MYO10: variants seen among roughly 807,000 people sequenced by gnomAD.
The protein encoded by MYO10 is myosin X, also known as unconventional myosin-X.
Under a neutral mutation model 257.3 loss-of-function variants are expected in MYO10, and 133 were observed. The observed-to-expected ratio is 0.52, with a 90% CI of 0.45 to 0.60. The LOEUF (loss-of-function observed/expected upper bound fraction) is 0.60, where lower values mean the gene tolerates loss of function less well. MYO10 is among the 20% of genes least tolerant of loss of function. The probability of loss-of-function intolerance (pLI) is 0.00; values close to 1 mark genes in which losing one functional copy is unlikely to be tolerated. For synonymous variants in MYO10, 1,104 were observed against 1,028.6 expected, an observed-to-expected ratio of 1.07 and a Z score of -1.40; for missense variants, 2,399 against 2,635.7, an observed-to-expected ratio of 0.91 and a Z score of 1.97.
At chr5:16,825,340 A>G (rs1742971260) in intron 2 of MYO10, among the ~76,000 whole-genome samples, 1 of 152,082 alleles carries the variant, frequency 6.6e-6, no homozygotes, top group African/African-American at 2.4e-5. Context: ...CTTATCCATT[A>G]TCTTGTTTAA....
chr5:16,807,828 T>A (rs1445176666), intron 3 of MYO10, among the ~76,000 whole-genome samples: 2 of 152,188 alleles, frequency 1.3e-5, no homozygotes, highest in Admixed American at 1.3e-4. Context: ...CTCCTCATTG[T>A]GACGCTCCTT....
chr5:16,788,224 A>C (rs1248264021), intron 4 of MYO10, among the ~76,000 whole-genome samples: 1 of 152,008 alleles, frequency 6.6e-6, no homozygotes, highest in Non-Finnish European at 1.5e-5. Context: ...GAAAGACTGG[A>C]GGGAAAGGGA....
chr5:16,876,577 A>C (rs1474884742), intron 2 of MYO10, among the ~76,000 whole-genome samples: 1 of 152,040 alleles, frequency 6.6e-6, no homozygotes, highest in Non-Finnish European at 1.5e-5. Flanking sequence ...TTTTCTGAGA[A>C]GGAGTCTTGC....
intron 2 of MYO10, among the ~76,000 whole-genome samples, chr5:16,828,131 G>A (rs1007414166): frequency 5.3e-5 from 8 of 152,030 alleles, no homozygotes; most frequent in Admixed American, 2.0e-4. Context: ...GTATCTCCGC[G>A]GCAGAGATGC....
At chr5:16,932,739 C>G (rs537696902) in intron 1 of MYO10, among the ~76,000 whole-genome samples, 5 of 152,052 alleles carry the variant, frequency 3.3e-5, no homozygotes, top group Admixed American at 6.6e-5. Context: ...TTCCCCCTGG[C>G]GCGCAGTAAG....
chr5:16,898,849 T>C (rs1017387170), intron 1 of MYO10, among the ~76,000 whole-genome samples: 29 of 151,718 alleles, frequency 1.9e-4, no homozygotes, highest in African/African-American at 4.1e-4. Context: ...AATCTAGAGA[T>C]GTAATTCAGT....
At chr5:16,915,996 C>T (rs1580147147) in intron 1 of MYO10, 1 of 452,742 alleles carries the variant, frequency 2.2e-6, no homozygotes, top group Non-Finnish European at 4.4e-6. Context: ...CCATACATTT[C>T]TTATCCTGAA....
intron 1 of MYO10, among the ~76,000 whole-genome samples, chr5:16,895,641 G>A (rs1745194325): frequency 6.6e-6 from 1 of 151,734 alleles, no homozygotes; most frequent in East Asian, 1.9e-4. Context: ...ACACCCAAAG[G>A]AATTTCCTAG....
chr5:16,719,989 CGT>C (rs10526050), intron 19 of MYO10, among the ~76,000 whole-genome samples: 13,962 of 143,426 alleles, frequency 0.097, 770 homozygotes, highest in Admixed American at 0.13. Flanking sequence ...TGTGTGCGTG[CGT>C]GTGTGTGTGT....
intron 1 of MYO10, among the ~76,000 whole-genome samples, chr5:16,915,381 C>T (rs1187665473): frequency 4.6e-5 from 7 of 152,166 alleles, no homozygotes; most frequent in Admixed American, 4.6e-4. Context: ...ATAAGTTCCT[C>T]ACAGATGTCC....
At chr5:16,797,210 G>GC (rs1378257911) in intron 3 of MYO10, among the ~76,000 whole-genome samples, 6 of 152,118 alleles carry the variant, frequency 3.9e-5, no homozygotes, top group Non-Finnish European at 8.8e-5. Flanking sequence ...AGCTTTTTGA[G>GC]CACCAACATG....
At chr5:16,758,274 T>C (rs1740594354) in intron 17 of MYO10, 48 bp from the exon 18 acceptor site, 1 of 1,276,364 alleles carries the variant, frequency 7.8e-7, no homozygotes, top group Admixed American at 1.7e-5. Flanking sequence ...ACACCCATTA[T>C]TAGGTGCAAG....
chr5:16,662,073 T>C lies in MYO10; in HGVS notation c.*4619A>G, dbSNP rs1044096197. 1.4e-4 allele frequency: 21 copies of C among 152,350 alleles called. No individual in the cohort carries two copies. Among genetic ancestry groups the C allele is most frequent in the African/African-American group, 4.8e-4 (20 of 41,588 alleles). 9.4% of individuals were successfully genotyped at this position (152,350 alleles called of 1,614,324 possible). On this transcript the variant is annotated 3_prime_UTR_variant, in exon 41 of 41. Transcript: ENST00000513610. ...TCCAGCAATCGTGATGCTTCTCTGA[T>C]CAACTGAATGAAACAGTTATAAATG... is the stretch of plus-strand genomic sequence containing the variant.
chr5:16,834,577 C>T (rs1743256970), intron 2 of MYO10, among the ~76,000 whole-genome samples: 1 of 152,168 alleles, frequency 6.6e-6, no homozygotes, highest in African/African-American at 2.4e-5. Flanking sequence ...ACAGCAGCTA[C>T]CACGTGTGGT....
chr5:16,910,602 TAATGC>T (rs1745633896), intron 1 of MYO10, among the ~76,000 whole-genome samples: 2 of 152,246 alleles, frequency 1.3e-5, no homozygotes, highest in Non-Finnish European at 2.9e-5. Context: ...CTAAACTACC[TAATGC>T]TTTTTCAGTG....
chr5:16,699,373 A>G, intron 26 of MYO10, 77 bp downstream of exon 26: 1 of 1,533,190 alleles, frequency 6.5e-7, no homozygotes. Context: ...GTTATTTCCC[A>G]CCGCCATCCA....
chr5:16,724,474 A>T (rs1008649052), intron 19 of MYO10, among the ~76,000 whole-genome samples: 3 of 152,188 alleles, frequency 2.0e-5, no homozygotes, highest in African/African-American at 7.2e-5. Context: ...CACTAGTTCA[A>T]ATATGACTCT....
At chr5:16,713,469 A>C in intron 19 of MYO10, 1 of 985,848 alleles carries the variant, frequency 1.0e-6, no homozygotes, top group Non-Finnish European at 1.2e-6. Context: ...CCTGTGCTTT[A>C]AAAAGTGCCC....
intron 2 of MYO10, among the ~76,000 whole-genome samples, chr5:16,859,293 C>G (rs80030024): frequency 0.013 from 1,952 of 152,256 alleles, 39 homozygotes; most frequent in African/African-American, 0.045. Context: ...ATAGATGGGA[C>G]CTTGTAGCTG....
Sources: gnomAD v4.1 joint callset for allele counts (sites outside exome capture counted in the v4.1 genomes callset) on GRCh38, gnomAD v4.1.1 for gene constraint, MANE v1.5 for transcripts, NCBI Gene and HGNC (gene_info 2026-07-23, HGNC 2026-07-21) for gene names.